The following PLCB4 variants were observed in gnomAD, a reference collection of about 807,000 sequenced individuals.
PLCB4 encodes phospholipase C beta 4, also known as 1-phosphatidylinositol 4,5-bisphosphate phosphodiesterase beta-4.
Under a neutral mutation model 178.8 loss-of-function variants are expected in PLCB4, and 77 were observed. The observed-to-expected ratio is 0.43, with a 90% CI of 0.36 to 0.52. The LOEUF (loss-of-function observed/expected upper bound fraction) is 0.52, where lower values mean the gene tolerates loss of function less well. Among genes scored for constraint, PLCB4 ranks in the 20% least tolerant of loss-of-function variants. PLCB4 has a pLI of 0.00. For synonymous variants in PLCB4, 496 were observed against 490.8 expected (o/e 1.01, Z -0.14); for missense variants, 1,024 against 1,453.4 (o/e 0.70, Z 4.80).
At chr20:9,325,669 A>G (rs1053396798) in intron 4 of PLCB4, among the ~76,000 whole-genome samples, 10 of 152,326 alleles carry the variant, frequency 6.6e-5, no homozygotes, top group African/African-American at 2.4e-4. Context: ...ATCGTCAAGT[A>G]AAAGATAAAG....
At chr20:9,252,706 A>G (rs568073751) in intron 3 of PLCB4, among the ~76,000 whole-genome samples, 37 of 152,310 alleles carry the variant, frequency 2.4e-4, no homozygotes, top group Middle Eastern at 3.4e-3. Context: ...TGCCCTCATC[A>G]ATGGAGCTGG....
intron 1 of PLCB4, among the ~76,000 whole-genome samples, chr20:9,073,742 A>T (rs1388789136): frequency 6.6e-6 from 1 of 152,030 alleles, no homozygotes; most frequent in Non-Finnish European, 1.5e-5. Context: ...TAAAAAAATT[A>T]GCTGAGTGTG....
rs1485717164 is a variant in PLCB4, at chr20:9,389,866, T to G, written c.1159-13T>G. On this transcript the variant is annotated splice_polypyrimidine_tract_variant and intron_variant, in intron 15 of 39. Coordinates refer to ENST00000378473, the MANE Select transcript of PLCB4 (RefSeq NM_001377142.1). ...CTCTTTTCTCTCATTAACGTTTTTT[T>G]TTGTTTTTAAAGGATGTAATTCAAG... 2.0e-6 allele frequency: 3 copies of G among 1,480,548 alleles called. No homozygotes were observed. Among genetic ancestry groups the G allele is most frequent in the African/African-American group, 1.4e-5 (1 of 71,706 alleles). The allele number at this position is 1,480,548 out of a possible 1,614,324, so 91.7% of individuals were successfully genotyped here. A position where few individuals can be genotyped will look rare whatever the true frequency, so the allele number is the denominator to read the frequency against.
chr20:9,339,089 T>C (rs757357251), intron 7 of PLCB4, 52 bp downstream of exon 7: 1 of 1,400,486 alleles, frequency 7.1e-7, no homozygotes, highest in Non-Finnish European at 9.9e-7. Flanking sequence ...ATATATGTTG[T>C]GTGTTTAATT....
intron 28 of PLCB4, among the ~76,000 whole-genome samples, chr20:9,431,626 G>A (rs2041405657): frequency 6.7e-6 from 1 of 149,170 alleles, no homozygotes; most frequent in Non-Finnish European, 1.5e-5. Flanking sequence ...CCACCACACG[G>A]GGCCAATTTG....
chr20:9,197,616 C>G (rs1318155773), intron 2 of PLCB4, among the ~76,000 whole-genome samples: 1 of 152,116 alleles, frequency 6.6e-6, no homozygotes, highest in African/African-American at 2.4e-5. Flanking sequence ...CCTAGACCAC[C>G]CTGGGACCTG....
At chr20:9,293,419 G>A (rs556786137) in intron 3 of PLCB4, among the ~76,000 whole-genome samples, 5 of 141,370 alleles carry the variant, frequency 3.5e-5, no homozygotes, top group African/African-American at 5.3e-5. Flanking sequence ...GGGAAGGGAA[G>A]GGAAGAAGTC....
intron 27 of PLCB4, among the ~76,000 whole-genome samples, chr20:9,422,915 C>T (rs538191799): frequency 2.0e-5 from 3 of 152,300 alleles, no homozygotes; most frequent in South Asian, 2.1e-4. Flanking sequence ...GGCAACCAGT[C>T]CATTGTCTAG....
intron 1 of PLCB4, among the ~76,000 whole-genome samples, chr20:9,089,498 G>A (rs2146560526): frequency 1.3e-5 from 2 of 152,138 alleles, no homozygotes; most frequent in East Asian, 3.9e-4. Context: ...TTTGTTTATT[G>A]ATACATTTTT....
chr20:9,084,745 A>C (rs1445524095), intron 1 of PLCB4, among the ~76,000 whole-genome samples: 1 of 152,232 alleles, frequency 6.6e-6, no homozygotes, highest in East Asian at 1.9e-4. Context: ...TATTCAGTAC[A>C]TTCTTTAATA....
intron 2 of PLCB4, among the ~76,000 whole-genome samples, chr20:9,098,672 T>G (rs2091014450): frequency 6.6e-6 from 1 of 151,186 alleles, no homozygotes; most frequent in Non-Finnish European, 1.5e-5. Context: ...CATATATATG[T>G]ATATATACAT....
intron 3 of PLCB4, among the ~76,000 whole-genome samples, chr20:9,305,756 C>T (rs1328279046): frequency 1.3e-5 from 2 of 152,214 alleles, no homozygotes; most frequent in East Asian, 3.9e-4. Context: ...AAAGTTGAAA[C>T]AGTATTGAAC....
At chr20:9,083,316 C>G (rs900055770) in intron 1 of PLCB4, among the ~76,000 whole-genome samples, 1 of 151,906 alleles carries the variant, frequency 6.6e-6, no homozygotes, top group Admixed American at 6.6e-5. Context: ...ACACAGGATA[C>G]GAGACACAGG....
intron 3 of PLCB4, among the ~76,000 whole-genome samples, chr20:9,265,232 C>T (rs1238927646): frequency 1.3e-5 from 2 of 152,088 alleles, no homozygotes; most frequent in African/African-American, 2.4e-5. Context: ...TCTGCAATTC[C>T]AGCACTTTGG....
intron 1 of PLCB4, among the ~76,000 whole-genome samples, chr20:9,084,247 T>G (rs2090295863): frequency 6.6e-6 from 1 of 152,208 alleles, no homozygotes; most frequent in East Asian, 1.9e-4. Context: ...GAATTGCACA[T>G]ACTTCTTTAA....
intron 2 of PLCB4, among the ~76,000 whole-genome samples, chr20:9,148,646 G>T (rs2092640504): frequency 6.6e-6 from 1 of 152,086 alleles, no homozygotes; most frequent in African/African-American, 2.4e-5. Context: ...AATTGTGAAG[G>T]CAGACCCAGC....
chr20:9,188,374 G>T (rs1376129444), intron 2 of PLCB4, among the ~76,000 whole-genome samples: 1 of 152,242 alleles, frequency 6.6e-6, no homozygotes, highest in Non-Finnish European at 1.5e-5. Context: ...GAACAGCAAG[G>T]ACATCCTTCT....
At chr20:9,272,653 A>C (rs2094415163) in intron 3 of PLCB4, among the ~76,000 whole-genome samples, 2 of 152,110 alleles carry the variant, frequency 1.3e-5, no homozygotes, top group Admixed American at 1.3e-4. Context: ...CAAGTAAGCT[A>C]CCAGAGCTCT....
At chr20:9,468,819 G>A (rs1349015548) in intron 36 of PLCB4, 147 bp downstream of exon 36, 1 of 549,646 alleles carries the variant, frequency 1.8e-6, no homozygotes, top group Non-Finnish European at 3.3e-6. Flanking sequence ...TAACTGCAAT[G>A]GAGATTTGTT....
Sources: gnomAD v4.1 joint callset for allele counts (sites outside exome capture counted in the v4.1 genomes callset) on GRCh38, gnomAD v4.1.1 for gene constraint, MANE v1.5 for transcripts, NCBI Gene and HGNC (gene_info 2026-07-23, HGNC 2026-07-21) for gene names.